Variants in USP3 observed in about 807,000 individuals in gnomAD.
The protein encoded by USP3 is ubiquitin specific peptidase 3, also known as ubiquitin carboxyl-terminal hydrolase 3.
A neutral mutation model predicts 72.3 loss-of-function variants in USP3; 20 were observed. The ratio of observed to expected loss-of-function variants is 0.28; its 90% confidence interval spans 0.19 to 0.40. The LOEUF is 0.40. Among genes scored for constraint, USP3 ranks in the 10% least tolerant of loss-of-function variants. The pLI is 1.00. For synonymous variants in USP3, 222 were observed against 225.3 expected (o/e 0.99, Z 0.13); for missense variants, 479 against 633.9 (o/e 0.76, Z 2.62).
intron 9 of USP3, among the ~76,000 whole-genome samples, chr15:63,572,221 G>A (rs8029310): frequency 2.0e-5 from 3 of 151,758 alleles, no homozygotes; most frequent in Admixed American, 2.0e-4. Context: ...AAATCTTGAT[G>A]AGTATCCATT....
chr15:63,514,087 C>A (rs917359559), intron 1 of USP3, among the ~76,000 whole-genome samples: 41 of 152,166 alleles, frequency 2.7e-4, no homozygotes, highest in Non-Finnish European at 5.9e-5. Flanking sequence ...TCAGACTTCA[C>A]CTTAAGTGTA....
At position 63,544,481 on chromosome 15, in the gene USP3, T is replaced by G; in HGVS notation, c.284+7325T>G. On this transcript the variant is annotated intron_variant, in intron 3 of 14. Coordinates refer to ENST00000380324, the MANE Select transcript of USP3 (RefSeq NM_006537.4). The surrounding 1 kb of genome is among the most constrained non-coding windows in gnomAD (Gnocchi z 4.2). ...TTTTGACTTTAGTAGACTAGTGTTT[T>G]GTCTTTTAGAATTAGAGGGGGCAAG... The G allele has an allele frequency of 1.9e-6, 1 of 536,572 alleles. No homozygotes were observed. The highest frequency in any genetic ancestry group is 3.3e-6 in the Non-Finnish European group (1 of 304,284). The allele number at this position is 536,572 out of a possible 1,614,324, so 33.2% of individuals were successfully genotyped here. A position where few individuals can be genotyped will look rare whatever the true frequency, so the allele number is the denominator to read the frequency against.
chr15:63,507,705 G>A (rs1451027834), intron 1 of USP3, among the ~76,000 whole-genome samples: 1 of 152,174 alleles, frequency 6.6e-6, no homozygotes, highest in Non-Finnish European at 1.5e-5. Flanking sequence ...AAGGCACTGT[G>A]TGTTGGGTTA....
intron 3 of USP3, among the ~76,000 whole-genome samples, chr15:63,548,289 A>G (rs1157611988): frequency 6.6e-6 from 1 of 151,820 alleles, no homozygotes; most frequent in Non-Finnish European, 1.5e-5. Context: ...GCACACCATC[A>G]TGCTTGGCTA....
In USP3 at chr15:63,570,556, G is replaced by A. The variant is rs553358114; in HGVS notation, c.885G>A (p.Leu295=). Residue 295 remains leucine (L), a synonymous_variant, in exon 9 of 15, where the codon CTG becomes CTA. Coordinates refer to ENST00000380324, the MANE Select transcript of USP3 (RefSeq NM_006537.4). This position sits in a 1 kb window ranked among gnomAD's most constrained non-coding sequence, Gnocchi z 4.4. ...RSAILQENST[L]SASNKCCING... is the part of the protein sequence containing the mutation. ...CAATTCTGCAGGAGAATTCTACTCT[G>A]TCTGCAAGTAACAAGTGTTGCATGT... The A allele has an allele frequency of 1.9e-6, 3 of 1,613,330 alleles. No homozygotes were observed. The African/African-American group carries it at 4.0e-5, about 22-fold the overall frequency.
At chr15:63,584,088 TTTTG>T (rs2067010965) in intron 11 of USP3, among the ~76,000 whole-genome samples, 2 of 139,524 alleles carry the variant, frequency 1.4e-5, no homozygotes, top group South Asian at 2.2e-4. Flanking sequence ...GGTACAACGG[TTTTG>T]TTTTTTTTTT....
At chr15:63,540,918 C>A (rs1200579364) in intron 3 of USP3, among the ~76,000 whole-genome samples, 2 of 152,140 alleles carry the variant, frequency 1.3e-5, no homozygotes, top group Admixed American at 1.3e-4. Context: ...TTCATTTGCT[C>A]CCATCCCAAT....
At chr15:63,563,622 AGGGATTC>A (rs747348831) in intron 8 of USP3, among the ~76,000 whole-genome samples, 1 of 152,164 alleles carries the variant, frequency 6.6e-6, no homozygotes, top group Non-Finnish European at 1.5e-5. Flanking sequence ...TCATCCCTGT[AGGGATTC>A]GGGTGATAGC....
intron 14 of USP3, 136 bp from the exon 15 acceptor site, chr15:63,590,525 C>CATTA: frequency 3.4e-6 from 3 of 889,372 alleles, no homozygotes; most frequent in South Asian, 3.3e-5. Context: ...AAGGTAAAAA[C>CATTA]ATTAATTTAA....
At chr15:63,519,918 A>G (rs1304566654) in intron 1 of USP3, among the ~76,000 whole-genome samples, 1 of 151,998 alleles carries the variant, frequency 6.6e-6, no homozygotes. Flanking sequence ...AAATTAGCTT[A>G]TATTTAGCTG....
chr15:63,523,293 T>C (rs2065942041), intron 1 of USP3, among the ~76,000 whole-genome samples: 1 of 152,146 alleles, frequency 6.6e-6, no homozygotes, highest in African/African-American at 2.4e-5. Flanking sequence ...ACCATAGCCA[T>C]GTGAGGTAGA....
intron 1 of USP3, among the ~76,000 whole-genome samples, chr15:63,531,530 A>T (rs1181999314): frequency 6.6e-6 from 1 of 152,188 alleles, no homozygotes; most frequent in African/African-American, 2.4e-5. Context: ...ACAGTGTTTC[A>T]GTGTACGCTG....
Position 63,559,939 on chromosome 15 carries a change from T to C in USP3, c.616T>C (p.Tyr206His). ...TGGGAAAACAGCAGGAAGGCGGACA[T>C]ACCACACCAGGAGCCAAGGGGATAA... ...RNGKTAGRRT[Y>H]HTRSQGDNNV... The change falls in exon 7 of 15, where the codon TAC becomes CAC. Residue 206 changes from tyrosine (Y) to histidine (H), a missense_variant. By Grantham distance (83) the Tyr-to-His change is moderately conservative. Transcript: ENST00000380324. 7 of 1,614,102 alleles carry C rather than the reference T, an allele frequency of 4.3e-6. No homozygotes were observed. Among genetic ancestry groups the C allele is most frequent in the Non-Finnish European group, 5.9e-6 (7 of 1,179,962 alleles).
rs2066821452 is a variant in USP3 at position 63,574,025 on chromosome 15, C to T, written c.909-21C>T. 3 of 1,509,134 alleles carry T rather than the reference C, an allele frequency of 2.0e-6. No individual in the cohort carries two copies. The highest frequency in any genetic ancestry group is 2.3e-5 in the East Asian group (1 of 42,726). 93.5% of individuals were successfully genotyped at this position (1,509,134 alleles called of 1,614,324 possible). On this transcript the variant is annotated intron_variant, in intron 9 of 14. Transcript: ENST00000380324. The surrounding 1 kb of genome is among the most constrained non-coding windows in gnomAD (Gnocchi z 4.6). Reference sequence around the variant, plus strand: ...GATGGCTTCTTACTGAGATATTTTCCTGTGTGGTGATTTTGTTTAGAAATG... The same window carrying T: ...GATGGCTTCTTACTGAGATATTTTCTTGTGTGGTGATTTTGTTTAGAAATG...
At chr15:63,538,705 C>T (rs1013478681) in intron 3 of USP3, among the ~76,000 whole-genome samples, 1 of 151,976 alleles carries the variant, frequency 6.6e-6, no homozygotes, top group Admixed American at 6.6e-5. Context: ...GCCACCACTC[C>T]CGGCTAATTT....
intron 3 of USP3, among the ~76,000 whole-genome samples, chr15:63,538,693 C>T (rs1367290630): frequency 6.6e-6 from 1 of 151,946 alleles, no homozygotes; most frequent in Non-Finnish European, 1.5e-5. Context: ...CTATAGGCAC[C>T]TGCCACCACT....
chr15:63,510,296 T>A (rs1405310813), intron 1 of USP3, among the ~76,000 whole-genome samples: 8 of 152,186 alleles, frequency 5.3e-5, no homozygotes, highest in Non-Finnish European at 1.0e-4. Context: ...AGGAGCTGAT[T>A]AACATGTACA....
Position 63,558,564 on chromosome 15 carries a change from C to T in USP3, c.533+376C>T, listed in dbSNP as rs374398562. ...CTCTCTCAGATATCCCCCACCCCCC[C>T]GCTCTTTATTAAAACAACACTTTAG... On this transcript the variant is annotated intron_variant, in intron 6 of 14. Coordinates refer to ENST00000380324, the MANE Select transcript of USP3 (RefSeq NM_006537.4). Among the ~76,000 whole-genome samples the T allele has an allele frequency of 1.7e-4, 25 of 150,330 alleles. No individual in the cohort carries two copies. The East Asian group carries it at 4.2e-3, about 26-fold the overall frequency.
intron 3 of USP3, among the ~76,000 whole-genome samples, chr15:63,546,604 A>G (rs577482136): frequency 3.2e-4 from 48 of 152,040 alleles, no homozygotes; most frequent in African/African-American, 1.1e-3. Context: ...ATTTTATTTT[A>G]TTTTATTTTT....
Sources: gnomAD v4.1 joint callset for allele counts (sites outside exome capture counted in the v4.1 genomes callset) on GRCh38, gnomAD v4.1.1 for gene constraint, Gnocchi (gnomAD v3.1) non-coding constraint, MANE v1.5 for transcripts, NCBI Gene and HGNC (gene_info 2026-07-23, HGNC 2026-07-21) for gene names.